Variants in TTLL5 observed in about 807,000 individuals in gnomAD.
TTLL5 encodes tubulin polyglutamylase TTLL5.
In TTLL5, 132 loss-of-function variants were observed where a neutral mutation model predicts 168.4. That is an observed-to-expected ratio of 0.78 (90% CI 0.68 to 0.91). The LOEUF (loss-of-function observed/expected upper bound fraction) is 0.91. Ranked by LOEUF, TTLL5 falls within the 40% of genes least tolerant of loss-of-function variation. TTLL5 has a pLI of 0.00. For synonymous variants in TTLL5, 546 were observed against 558.6 expected, an observed-to-expected ratio of 0.98 and a Z score of 0.32; for missense variants, 1,545 against 1,581.5, an observed-to-expected ratio of 0.98 and a Z score of 0.39.
Position 75,765,923 on chromosome 14 carries a change from A to T in TTLL5, c.1709-139A>T, listed in dbSNP as rs1022896279. On this transcript the variant is annotated intron_variant, in intron 19 of 31. Transcript: ENST00000298832. Reference sequence around the variant, plus strand: ...AGAATATATGAGATTAGAGAGTGACATGTGGGTGCTATTAATTCTGTGCCT... The same window carrying T: ...AGAATATATGAGATTAGAGAGTGACTTGTGGGTGCTATTAATTCTGTGCCT... 10 of 625,802 alleles carry T rather than the reference A, an allele frequency of 1.6e-5. No individual in the cohort carries two copies. The African/African-American group carries it at 1.8e-4, about 12-fold the overall frequency. The allele number at this position is 625,802 out of a possible 1,614,324, so 38.8% of individuals were successfully genotyped here.
At chr14:75,709,716 G>A (rs1031855769) in intron 9 of TTLL5, 1 of 153,806 alleles carries the variant, frequency 6.5e-6, no homozygotes, top group East Asian at 1.9e-4. Flanking sequence ...TCCTGGCCAG[G>A]CGTGGTGGCT....
intron 29 of TTLL5, among the ~76,000 whole-genome samples, chr14:75,869,373 T>C (rs771522854): frequency 3.3e-5 from 5 of 152,230 alleles, no homozygotes; most frequent in Non-Finnish European, 7.3e-5. Context: ...ACCCACAGCT[T>C]AAGTCTTGGC....
intron 31 of TTLL5, chr14:75,904,079 C>T (rs2033042370): frequency 8.2e-7 from 1 of 1,222,952 alleles, no homozygotes; most frequent in African/African-American, 1.6e-5. Flanking sequence ...CTGCTCATGC[C>T]CCAGTTCCCA....
chr14:75,867,566 C>T (rs897479188), intron 29 of TTLL5, among the ~76,000 whole-genome samples: 19 of 151,578 alleles, frequency 1.3e-4, no homozygotes, highest in African/African-American at 4.6e-4. Flanking sequence ...TCGAGACCAG[C>T]CTGACCAATA....
rs1482760808 is a variant in TTLL5, at chr14:75,734,169, T to A, written c.1186+119T>A. 7 of 881,682 alleles carry A rather than the reference T, an allele frequency of 7.9e-6. No individual in the cohort carries two copies. The East Asian group carries it at 1.8e-4, about 22-fold the overall frequency. The allele number at this position is 881,682 out of a possible 1,614,324, so 54.6% of individuals were successfully genotyped here. ...CTAAGCCATGCTGAATGGTTTGTACTAAAAAATTATATTTTCAGGGAAATG... is the reference window on the plus strand; with the variant it reads ...CTAAGCCATGCTGAATGGTTTGTACAAAAAAATTATATTTTCAGGGAAATG... On this transcript the variant is annotated intron_variant, in intron 14 of 31. Transcript: ENST00000298832.
chr14:75,823,128 G>A (rs1234593588), intron 28 of TTLL5, among the ~76,000 whole-genome samples: 1 of 152,202 alleles, frequency 6.6e-6, no homozygotes, highest in East Asian at 1.9e-4. Flanking sequence ...CAGGATGCAG[G>A]TACCAAGTGT....
Position 75,766,094 on chromosome 14 carries a change from A to C in TTLL5, c.1741A>C (p.Thr581Pro). The change falls in exon 20 of 32, where the codon ACT becomes CCT. Residue 581 changes from threonine to proline, a missense_variant. Coordinates refer to ENST00000298832, the MANE Select transcript of TTLL5 (RefSeq NM_015072.5). ...ITQPAEMNVK[T>P]ETESEEEEEV... The stretch of plus-strand genomic sequence containing the variant: ...CCAACCAGCTGAAATGAATGTTAAA[A>C]CTGAGACAGAGAGTGAAGAGGAGGA... 1 of 1,613,438 alleles carries C rather than the reference A, an allele frequency of 6.2e-7. No individual in the cohort carries two copies. The highest frequency in any genetic ancestry group is 8.5e-7 in the Non-Finnish European group (1 of 1,179,818).
In TTLL5 at chr14:75,950,346, G is replaced by A. The variant is rs143297913; in HGVS notation, c.3824-4078G>A. Among the ~76,000 whole-genome samples the A allele has an allele frequency of 3.7e-3, 568 of 152,208 alleles. 2 individuals are homozygous for A. The highest frequency in any genetic ancestry group is 0.012 in the African/African-American group (513 of 41,532). On this transcript the variant is annotated intron_variant, in intron 31 of 31. Transcript: ENST00000298832. The stretch of plus-strand genomic sequence containing the variant: ...TAGAGGACCAGATCATTATAGTCAC[G>A]GTAAAAGGAAAGGGCTTGTAAAATC...
chr14:75,772,103 A>T (rs1021146835), intron 21 of TTLL5, among the ~76,000 whole-genome samples: 3 of 152,188 alleles, frequency 2.0e-5, no homozygotes, highest in Non-Finnish European at 4.4e-5. Flanking sequence ...GAAGGCATCA[A>T]TGTATTTCAT....
At chr14:75,794,563 C>G (rs182485284) in intron 27 of TTLL5, among the ~76,000 whole-genome samples, 12 of 152,256 alleles carry the variant, frequency 7.9e-5, no homozygotes. Context: ...CTGTAGGAAT[C>G]CAAGGTGACT....
intron 28 of TTLL5, among the ~76,000 whole-genome samples, chr14:75,844,848 G>GCAGT (rs1402174202): frequency 6.6e-6 from 1 of 152,090 alleles, no homozygotes; most frequent in African/African-American, 2.4e-5. Flanking sequence ...AAGCTGTTGT[G>GCAGT]CAGTGCTTTG....
chr14:75,676,506 G>T (rs1194671137), intron 3 of TTLL5, among the ~76,000 whole-genome samples: 3 of 152,110 alleles, frequency 2.0e-5, no homozygotes, highest in African/African-American at 4.8e-5. Context: ...AGGGCTACCG[G>T]ACACAGAGTA....
intron 18 of TTLL5, among the ~76,000 whole-genome samples, chr14:75,755,266 C>CAAA (rs747937754): frequency 7.8e-4 from 23 of 29,360 alleles, no homozygotes; most frequent in South Asian, 3.5e-3. Context: ...ACTCTGTCTC[C>CAAA]AAAAATAATA....
chr14:75,927,762 G>C (rs2034124951), intron 31 of TTLL5, among the ~76,000 whole-genome samples: 1 of 152,152 alleles, frequency 6.6e-6, no homozygotes, highest in African/African-American at 2.4e-5. Context: ...GTTTGGAAAG[G>C]TGTCAGGCTC....
rs147287773 is a variant in TTLL5, at chr14:75,771,181, C to T, written c.2016-553C>T. Among the ~76,000 whole-genome samples, 425 of 152,324 alleles carry T rather than the reference C, an allele frequency of 2.8e-3. 2 individuals carry two copies. The highest frequency in any genetic ancestry group is 7.9e-3 in the Admixed American group (121 of 15,304). On this transcript the variant is annotated intron_variant, in intron 20 of 31. Transcript: ENST00000298832. The stretch of plus-strand genomic sequence containing the variant: ...CTCAGGCCTATATGTAATCCCAGCA[C>T]TTTGGGAGGCCAAGGCAGGCGGATC...
chr14:75,902,084 C>T, intron 30 of TTLL5, 58 bp from the exon 31 acceptor site: 1 of 1,504,106 alleles, frequency 6.6e-7, no homozygotes, highest in East Asian at 2.3e-5. Flanking sequence ...CATCAGAGGT[C>T]CTGCACCTGA....
In TTLL5 at chr14:75,663,858, C is replaced by T. The variant is rs187953394; in HGVS notation, c.74+635C>T. On this transcript the variant is annotated intron_variant, in intron 2 of 31. Coordinates refer to ENST00000298832, the MANE Select transcript of TTLL5 (RefSeq NM_015072.5). The stretch of plus-strand genomic sequence containing the variant: ...CAGCACTTTGGGTAGCCGAGGTGAG[C>T]GGATCACCTGAGGTCAGGAGTTCAA... 7.4e-4 allele frequency among the ~76,000 whole-genome samples: 112 copies of T among 152,104 alleles called. 1 individual carries two copies. In the East Asian group the frequency reaches 0.018, roughly 25 times the overall value.
In TTLL5 at chr14:75,927,684, C is replaced by T. The variant is rs139024458; in HGVS notation, c.3823+25460C>T. ...TGCTCTGCCCCTGCTGTTTTATCCT[C>T]CCAGGAAAGGTGGTGTGCCTAGGGG... On this transcript the variant is annotated intron_variant, in intron 31 of 31. Transcript: ENST00000298832. Among the ~76,000 whole-genome samples, 81 of 152,290 alleles carry T rather than the reference C, an allele frequency of 5.3e-4. 1 individual carries two copies. The highest frequency in any genetic ancestry group is 1.9e-3 in the African/African-American group (77 of 41,546).
At chr14:75,767,843 A>G (rs1035787315) in intron 20 of TTLL5, among the ~76,000 whole-genome samples, 1 of 152,200 alleles carries the variant, frequency 6.6e-6, no homozygotes, top group Non-Finnish European at 1.5e-5. Flanking sequence ...TGATCAGAGT[A>G]ATGGCTTTAG....
Sources: allele counts gnomAD v4.1 joint callset (sites outside exome capture counted in the v4.1 genomes callset), GRCh38; gene constraint gnomAD v4.1.1; transcripts MANE v1.5; gene names NCBI Gene and HGNC (gene_info 2026-07-23, HGNC 2026-07-21).